Variants in MRPS31 observed in about 807,000 individuals in gnomAD.
The protein encoded by MRPS31 is small ribosomal subunit protein mS31.
Under a neutral mutation model 43.1 loss-of-function variants are expected in MRPS31, and 32 were observed. The observed-to-expected ratio is 0.74, with a 90% confidence interval of 0.56 to 1.00. The LOEUF is 1.00. MRPS31 is among the 50% of genes least tolerant of loss of function. MRPS31 has a pLI of 0.00. For synonymous variants in MRPS31, 165 were observed against 161.6 expected (o/e 1.02, Z -0.16); for missense variants, 437 against 466.7 (o/e 0.94, Z 0.59).
chr13:40,766,260 T>C (rs1014963732), intron 2 of MRPS31, among the ~76,000 whole-genome samples: 6 of 152,180 alleles, frequency 3.9e-5, no homozygotes, highest in African/African-American at 1.4e-4. Context: ...TTAAATATAA[T>C]ACAATAACAG....
At chr13:40,736,710 A>C (rs2137994989) in intron 6 of MRPS31, among the ~76,000 whole-genome samples, 1 of 149,032 alleles carries the variant, frequency 6.7e-6, no homozygotes, top group South Asian at 2.1e-4. Flanking sequence ...GAAATAAAAT[A>C]CTTTACAGAC....
intron 3 of MRPS31, among the ~76,000 whole-genome samples, chr13:40,757,946 T>G (rs1444018409): frequency 1.3e-5 from 2 of 149,936 alleles, no homozygotes; most frequent in Non-Finnish European, 3.0e-5. Flanking sequence ...ATCCAGACCA[T>G]CCTGGCTAAC....
At chr13:40,763,545 T>C (rs1374986729) in intron 2 of MRPS31, among the ~76,000 whole-genome samples, 1 of 152,176 alleles carries the variant, frequency 6.6e-6, no homozygotes, top group Non-Finnish European at 1.5e-5. Flanking sequence ...AATTTTGTCA[T>C]GACAATGTTG....
chr13:40,770,006 C>T (rs1046667591), intron 1 of MRPS31, among the ~76,000 whole-genome samples: 1 of 152,168 alleles, frequency 6.6e-6, no homozygotes. Context: ...CTAACATAAA[C>T]AGGTATTTGT....
chr13:40,754,257 C>CA (rs1225256867), intron 4 of MRPS31, among the ~76,000 whole-genome samples, 165 bp from the exon 5 acceptor site: 6 of 152,100 alleles, frequency 3.9e-5, no homozygotes, highest in Non-Finnish European at 1.5e-5. Flanking sequence ...GACTGATAAA[C>CA]AAAAAACAGA....
intron 2 of MRPS31, among the ~76,000 whole-genome samples, chr13:40,762,349 T>C (rs1163679984): frequency 6.6e-6 from 1 of 152,208 alleles, no homozygotes; most frequent in Non-Finnish European, 1.5e-5. Context: ...TTCAGATATC[T>C]ACATGGCTTT....
chr13:40,755,637 G>A (rs745401036), intron 4 of MRPS31, among the ~76,000 whole-genome samples: 2 of 152,092 alleles, frequency 1.3e-5, no homozygotes, highest in African/African-American at 2.4e-5. Flanking sequence ...TGGGTTGTCT[G>A]GGGTTGATAT....
chr13:40,758,882 T>C, intron 3 of MRPS31, 66 bp downstream of exon 3: 1 of 1,399,524 alleles, frequency 7.1e-7, no homozygotes, highest in Non-Finnish European at 9.4e-7. Flanking sequence ...TATTACTCAC[T>C]AGCCATATGA....
rs547681259 is a variant in MRPS31, at chr13:40,733,330, A to G, written c.959-3729T>C. Among the ~76,000 whole-genome samples the G allele has an allele frequency of 2.0e-5, 3 of 152,198 alleles. No homozygotes were observed. In the South Asian group the frequency reaches 6.2e-4, roughly 32 times the overall value. On this transcript the variant is annotated intron_variant, in intron 6 of 6. Transcript: ENST00000323563. ...AATGAAGCATTTGGAAGTTAAAAAT[A>G]TGGCAACAAAAATCCAATGGAGAGA...
Position 40,758,827 on chromosome 13 carries a change from G to A in MRPS31, c.599+121C>T, listed in dbSNP as rs546720442. 5.4e-6 allele frequency: 5 copies of A among 919,312 alleles called. No individual in the cohort carries two copies. The South Asian group carries it at 1.7e-4, about 31-fold the overall frequency. 56.9% of individuals were successfully genotyped at this position (919,312 alleles called of 1,614,324 possible). On this transcript the variant is annotated intron_variant, in intron 3 of 6. Transcript: ENST00000323563. The stretch of plus-strand genomic sequence containing the variant: ...AAAGTTGAATTGCTAAAATTATGTG[G>A]TATATTTTATATACAAATTCCACTT...
chr13:40,760,134 C>CAAAA (rs11327076), intron 2 of MRPS31, among the ~76,000 whole-genome samples: 1 of 77,900 alleles, frequency 1.3e-5, no homozygotes, highest in Non-Finnish European at 2.7e-5. Flanking sequence ...TAGACTCTGT[C>CAAAA]AAAAAAAAAA....
chr13:40,770,848 C>A (rs1880986275), intron 1 of MRPS31, 137 bp downstream of exon 1: 1 of 1,168,120 alleles, frequency 8.6e-7, no homozygotes. Flanking sequence ...TGACCTTGGG[C>A]AAGTCATCTT....
Position 40,749,171 on chromosome 13 carries a change from T to C in MRPS31, c.925A>G (p.Lys309Glu). 2.5e-6 allele frequency: 4 copies of C among 1,601,244 alleles called. No homozygotes were observed. The highest frequency in any genetic ancestry group is 3.4e-6 in the Non-Finnish European group (4 of 1,177,460). ...TTGTTAATTGGGAACTCCCATAGTT[T>C]CCCCTCTTTTGTCCACTGGATCAGC... Reference protein sequence around the residue: ...EELIQWTKEGKLWEFPINNEA... With the variant: ...EELIQWTKEGELWEFPINNEA... Residue 309 changes from lysine (K) to glutamate (E), a missense_variant, in exon 6 of 7, where the codon AAA becomes GAA. Coordinates refer to ENST00000323563, the MANE Select transcript of MRPS31 (RefSeq NM_005830.4).
intron 6 of MRPS31, among the ~76,000 whole-genome samples, chr13:40,732,022 G>C (rs1295038143): frequency 2.0e-5 from 3 of 152,110 alleles, no homozygotes; most frequent in African/African-American, 7.2e-5. Context: ...ACAAAAATAA[G>C]TTCTAGATAA....
intron 5 of MRPS31, among the ~76,000 whole-genome samples, chr13:40,753,321 C>A (rs1316528815): frequency 1.3e-5 from 2 of 152,316 alleles, no homozygotes; most frequent in Middle Eastern, 3.4e-3. Context: ...GGGCAGGAAC[C>A]AGTATATCTT....
At chr13:40,765,416 C>A (rs968859727) in intron 2 of MRPS31, among the ~76,000 whole-genome samples, 3 of 152,192 alleles carry the variant, frequency 2.0e-5, no homozygotes, top group African/African-American at 4.8e-5. Context: ...TTTACCATTT[C>A]TGTAATCGTT....
At chr13:40,764,390 G>T (rs192199579) in intron 2 of MRPS31, among the ~76,000 whole-genome samples, 1 of 151,976 alleles carries the variant, frequency 6.6e-6, no homozygotes, top group Non-Finnish European at 1.5e-5. Context: ...ATCAGAAATT[G>T]GTTGAATCTG....
intron 6 of MRPS31, among the ~76,000 whole-genome samples, chr13:40,736,617 G>A (rs1290746938): frequency 6.6e-6 from 1 of 150,972 alleles, no homozygotes; most frequent in Non-Finnish European, 1.5e-5. Flanking sequence ...AGAGAGTGGG[G>A]ACCAATATTG....
chr13:40,768,355 C>A (rs1880907305), intron 1 of MRPS31, among the ~76,000 whole-genome samples: 1 of 139,272 alleles, frequency 7.2e-6, no homozygotes, highest in Admixed American at 7.6e-5. Context: ...TTAAGCTTAG[C>A]CCCCACCCCC....
Sources: allele counts gnomAD v4.1 joint callset (sites outside exome capture counted in the v4.1 genomes callset), GRCh38; gene constraint gnomAD v4.1.1; transcripts MANE v1.5; gene names NCBI Gene and HGNC (gene_info 2026-07-23, HGNC 2026-07-21).